Variants in HPSE2 observed in about 807,000 individuals in gnomAD.
The protein encoded by HPSE2 is inactive heparanase-2.
In HPSE2, 38 loss-of-function variants were observed where a neutral mutation model predicts 60.5. That is an observed-to-expected ratio of 0.63 (90% CI 0.48 to 0.82). The LOEUF (loss-of-function observed/expected upper bound fraction) is 0.82. Ranked by LOEUF, HPSE2 falls within the 40% of genes least tolerant of loss-of-function variation. The probability of loss-of-function intolerance (pLI) is 0.00; values close to 1 mark genes in which losing one functional copy is unlikely to be tolerated. For synonymous variants in HPSE2, 295 were observed against 293.2 expected (o/e 1.01, Z -0.06); for missense variants, 713 against 740.4 (o/e 0.96, Z 0.43).
At chr10:99,042,912 T>C (rs1957772523) in intron 3 of HPSE2, among the ~76,000 whole-genome samples, 1 of 152,180 alleles carries the variant, frequency 6.6e-6, no homozygotes, top group Admixed American at 6.5e-5. Context: ...CGCCATCTAC[T>C]GGATCACAGT....
intron 6 of HPSE2, among the ~76,000 whole-genome samples, chr10:98,686,315 G>A (rs1947914322): frequency 6.6e-6 from 1 of 152,072 alleles, no homozygotes; most frequent in Non-Finnish European, 1.5e-5. Context: ...TGCTTTTGCT[G>A]GATTCCACAA....
intron 3 of HPSE2, among the ~76,000 whole-genome samples, chr10:98,788,513 C>A (rs546300557): frequency 2.2e-3 from 328 of 150,532 alleles, no homozygotes; most frequent in Admixed American, 4.1e-3. Context: ...CGTAAGCAAG[C>A]CTGGGCAATG....
At chr10:98,827,132 C>T (rs940122354) in intron 3 of HPSE2, among the ~76,000 whole-genome samples, 12 of 150,546 alleles carry the variant, frequency 8.0e-5, no homozygotes, top group African/African-American at 2.7e-4. Context: ...GCCCAGGCAA[C>T]AGAGCAAGAC....
intron 9 of HPSE2, among the ~76,000 whole-genome samples, chr10:98,560,633 A>G (rs1944145007): frequency 6.6e-6 from 1 of 152,208 alleles, no homozygotes; most frequent in Non-Finnish European, 1.5e-5. Flanking sequence ...GATCAGTCCC[A>G]CTACAACTGC....
chr10:99,294,472 T>C, the HPSE2 span, among the ~76,000 whole-genome samples: 4 of 146,732 alleles, frequency 2.7e-5, no homozygotes, highest in African/African-American at 9.9e-5. Context: ...TAATATATAA[T>C]ATATTTATAT....
At chr10:98,745,774 G>A (rs773436429) in intron 3 of HPSE2, among the ~76,000 whole-genome samples, 1 of 152,070 alleles carries the variant, frequency 6.6e-6, no homozygotes, top group Admixed American at 6.6e-5. Context: ...AAGAGTTTAC[G>A]TTATCCTAGT....
chr10:98,903,419 T>C (rs1228458973), intron 3 of HPSE2, among the ~76,000 whole-genome samples: 1 of 152,100 alleles, frequency 6.6e-6, no homozygotes, highest in Non-Finnish European at 1.5e-5. Flanking sequence ...TTGTATGGTA[T>C]GTGAATTATA....
intron 3 of HPSE2, among the ~76,000 whole-genome samples, chr10:98,840,616 TGAG>T (rs1951888651): frequency 6.6e-6 from 1 of 151,912 alleles, no homozygotes; most frequent in African/African-American, 2.4e-5. Context: ...AGACAAAAAA[TGAG>T]GAGGGATTCA....
At chr10:99,237,731 G>C (rs1252876690), upstream of HPSE2, among the ~76,000 whole-genome samples, 1 of 152,028 alleles carries the variant, frequency 6.6e-6, no homozygotes, top group Non-Finnish European at 1.5e-5. Flanking sequence ...CCTTTAAACT[G>C]TGTGTGTGTG....
At chr10:98,669,890 A>C (rs1235496250) in intron 6 of HPSE2, among the ~76,000 whole-genome samples, 3 of 152,196 alleles carry the variant, frequency 2.0e-5, no homozygotes, top group African/African-American at 7.2e-5. Flanking sequence ...AATTTTAAAA[A>C]AGAAAAAGTA....
chr10:98,909,799 A>T (rs1953930039), intron 3 of HPSE2, among the ~76,000 whole-genome samples: 1 of 152,146 alleles, frequency 6.6e-6, no homozygotes, highest in Non-Finnish European at 1.5e-5. Flanking sequence ...AACTTTAAAA[A>T]AATAAACAAC....
intron 3 of HPSE2, among the ~76,000 whole-genome samples, chr10:98,935,310 C>T (rs1954757062): frequency 7.0e-6 from 1 of 142,956 alleles, no homozygotes; most frequent in South Asian, 2.1e-4. Context: ...CAGCTTTAGC[C>T]CCATTCTGTG....
At position 98,510,749 on chromosome 10, in the gene HPSE2, G is replaced by A. The variant is rs548500151; in HGVS notation, c.1321-20553C>T. Among the ~76,000 whole-genome samples the A allele has an allele frequency of 5.3e-5, 8 of 152,334 alleles. No individual in the cohort carries two copies. In the East Asian group the frequency reaches 1.5e-3, roughly 29 times the overall value. On this transcript the variant is annotated intron_variant, in intron 9 of 11. Coordinates refer to ENST00000370552, the MANE Select transcript of HPSE2 (RefSeq NM_021828.5). ...ATATTCCTAGTGCGTAAGGTTTCCT[G>A]TGCAGCCTGGGGGAATGCAAAGATG... is the stretch of plus-strand genomic sequence containing the variant.
chr10:99,034,560 T>C (rs866466382), intron 3 of HPSE2, among the ~76,000 whole-genome samples: 1 of 152,160 alleles, frequency 6.6e-6, no homozygotes, highest in Non-Finnish European at 1.5e-5. Context: ...ATTCTACCTG[T>C]ATTACATGAT....
At chr10:98,734,721 T>C (rs1392319419) in intron 4 of HPSE2, among the ~76,000 whole-genome samples, 1 of 152,176 alleles carries the variant, frequency 6.6e-6, no homozygotes, top group East Asian at 1.9e-4. Flanking sequence ...GTCCTTAATA[T>C]CAGTGAAACA....
At chr10:98,478,438 T>C (rs775511531) in intron 11 of HPSE2, among the ~76,000 whole-genome samples, 1 of 151,624 alleles carries the variant, frequency 6.6e-6, no homozygotes, top group Non-Finnish European at 1.5e-5. Flanking sequence ...ATTTCAGAGC[T>C]CAAAGGGAAG....
At chr10:99,245,738 A>G in the HPSE2 span, among the ~76,000 whole-genome samples, 5 of 152,234 alleles carry the variant, frequency 3.3e-5, no homozygotes, top group Admixed American at 3.3e-4. Flanking sequence ...GTGAAATTAA[A>G]TATGTATATT....
At chr10:98,990,715 C>A (rs1187350719) in intron 3 of HPSE2, among the ~76,000 whole-genome samples, 1 of 152,118 alleles carries the variant, frequency 6.6e-6, no homozygotes, top group Non-Finnish European at 1.5e-5. Context: ...CATCTATATT[C>A]CAAAATAGCC....
intron 3 of HPSE2, among the ~76,000 whole-genome samples, chr10:98,858,067 C>T (rs1952360886): frequency 6.6e-6 from 1 of 152,192 alleles, no homozygotes; most frequent in African/African-American, 2.4e-5. Context: ...CTTTAACAAT[C>T]TTTCAAACTA....
Sources: allele counts gnomAD v4.1 joint callset (sites outside exome capture counted in the v4.1 genomes callset), GRCh38; gene constraint gnomAD v4.1.1; transcripts MANE v1.5; gene names NCBI Gene and HGNC (gene_info 2026-07-23, HGNC 2026-07-21).